C4orf54: variants seen among roughly 807,000 people sequenced by gnomAD.
C4orf54 encodes uncharacterized protein C4orf54.
Under a neutral mutation model 80.1 loss-of-function variants are expected in C4orf54, and 67 were observed. The ratio of observed to expected loss-of-function variants is 0.84; its 90% CI spans 0.69 to 1.03. The LOEUF (loss-of-function observed/expected upper bound fraction) is 1.03. Among genes scored for constraint, C4orf54 ranks in the 50% least tolerant of loss-of-function variants. C4orf54 has a pLI of 0.00. For missense variants in C4orf54, 2,434 were observed against 2,253.5 expected, an observed-to-expected ratio of 1.08 and a Z score of -1.62; for synonymous variants, 1,000 against 917.0, an observed-to-expected ratio of 1.09 and a Z score of -1.64.
chr4:99,645,157 G>A (rs766454198), intron 2 of C4orf54, among the ~76,000 whole-genome samples: 12 of 152,092 alleles, frequency 7.9e-5, no homozygotes, highest in South Asian at 6.2e-4. Flanking sequence ...ACCTCTCTGA[G>A]TGCCAATTTC....
Position 99,649,231 on chromosome 4 carries a change from C to T in C4orf54, c.*36G>A, listed in dbSNP as rs1726750377. On this transcript the variant is annotated splice_region_variant and 3_prime_UTR_variant, in exon 2 of 3. Transcript: ENST00000511828. The stretch of plus-strand genomic sequence containing the variant: ...GATTATCAAAGTGAAATTCACTTAC[C>T]AGCAGTTTTTCATTCCGCTTCCTGG... 5.5e-6 allele frequency: 8 copies of T among 1,465,528 alleles called. No individual in the cohort carries two copies. Among genetic ancestry groups the T allele is most frequent in the Non-Finnish European group, 7.2e-6 (8 of 1,112,236 alleles). The allele number at this position is 1,465,528 out of a possible 1,614,324, so 90.8% of individuals were successfully genotyped here.
At position 99,652,083 on chromosome 4, in the gene C4orf54, T is replaced by C; in HGVS notation, c.2566A>G (p.Arg856Gly). 1 of 1,536,092 alleles carries C rather than the reference T, an allele frequency of 6.5e-7. No homozygotes were observed. The highest frequency in any genetic ancestry group is 1.4e-5 in the African/African-American group (1 of 73,176). ...KETEGARGSERQRERGLQRQS... is the reference protein window; with the variant it reads ...KETEGARGSEGQRERGLQRQS... ...CTCTGCAGGCCCCTCTCTCGCTGCCTCTCGCTCCCGCGGGCGCCCTCCGTC... is the reference window on the plus strand; with the variant it reads ...CTCTGCAGGCCCCTCTCTCGCTGCCCCTCGCTCCCGCGGGCGCCCTCCGTC... The change falls in exon 2 of 3, where the codon AGG (arginine) becomes GGG (glycine). Residue 856 changes from arginine to glycine, a missense_variant. Physicochemically the swap from Arg to Gly is moderately radical, Grantham distance 125 (BLOSUM62 -2). Transcript: ENST00000511828.
chr4:99,642,105 G>A (rs796817305), intron 2 of C4orf54, among the ~76,000 whole-genome samples: 95 of 152,226 alleles, frequency 6.2e-4, no homozygotes, highest in African/African-American at 2.2e-3. Flanking sequence ...TACACTCCAT[G>A]TTTATTTTAT....
Position 99,653,472 on chromosome 4 carries a change from C to G in C4orf54, c.1177G>C (p.Asp393His). ...DFDVGLASRW[D>H]FEDNNVIYSF... ...TAGATCACGTTGTTGTCCTCGAAAT[C>G]CCAGCGGGAGGCCAGTCCCACGTCG... is the stretch of plus-strand genomic sequence containing the variant. Residue 393 changes from aspartate to histidine, a missense_variant, in exon 2 of 3, where the codon GAT (aspartate) becomes CAT (histidine). Coordinates refer to ENST00000511828, the MANE Select transcript of C4orf54 (RefSeq NM_001354435.2). 4 of 1,536,094 alleles carry G rather than the reference C, an allele frequency of 2.6e-6. No individual in the cohort carries two copies. Among genetic ancestry groups the G allele is most frequent in the Non-Finnish European group, 3.5e-6 (4 of 1,146,906 alleles).
In C4orf54 at chr4:99,651,946, A is replaced by T; in HGVS notation, c.2703T>A (p.Ser901Arg). ...AGSKSPVFKASTPRERNAGPG... is the reference protein window; with the variant it reads ...AGSKSPVFKARTPRERNAGPG... ...GGCCTGCGTTGCGCTCGCGAGGAGT[A>T]CTGGCTTTGAAGACTGGAGATTTGG... The change falls in exon 2 of 3, where the codon AGT (serine) becomes AGA (arginine). Residue 901 changes from serine (S) to arginine (R), a missense_variant. By Grantham distance (110) the Ser-to-Arg change is moderately radical (BLOSUM62 -1). Coordinates refer to ENST00000511828, the MANE Select transcript of C4orf54 (RefSeq NM_001354435.2). 4 of 1,536,112 alleles carry T rather than the reference A, an allele frequency of 2.6e-6. No individual in the cohort carries two copies. The highest frequency in any genetic ancestry group is 1.2e-5 in the South Asian group (1 of 84,062).
Position 99,654,203 on chromosome 4 carries a change from G to A in C4orf54, c.446C>T (p.Pro149Leu). ...TCTTGCTTTCGAATTCAGCTCAGGAGGGGCAGCTTCCATTATGAGCCCTTG... is the reference window on the plus strand; with the variant it reads ...TCTTGCTTTCGAATTCAGCTCAGGAAGGGCAGCTTCCATTATGAGCCCTTG... ...PGQGLIMEAA[P>L]PELNSKARQA... Residue 149 changes from proline (P) to leucine (L), a missense_variant, in exon 2 of 3, where the codon CCT becomes CTT. By Grantham distance (98) the Pro-to-Leu change is moderately conservative. Transcript: ENST00000511828. 2.0e-6 allele frequency: 3 copies of A among 1,536,172 alleles called. No homozygotes were observed. The highest frequency in any genetic ancestry group is 2.0e-5 in the Admixed American group (1 of 50,998).
chr4:99,652,624 C>T lies in C4orf54; in HGVS notation c.2025G>A (p.Arg675=). 6.5e-7 allele frequency: 1 copy of T among 1,536,082 alleles called. No individual in the cohort carries two copies. The highest frequency in any genetic ancestry group is 1.2e-5 in the South Asian group (1 of 84,062). ...TGCTCCTGAGGAGGCTCTGCTCCACCCTGGCCCCAACACCCCCACATTTTA... is the reference window on the plus strand; with the variant it reads ...TGCTCCTGAGGAGGCTCTGCTCCACTCTGGCCCCAACACCCCCACATTTTA... ...LDLKCGGVGA[R]VEQSLLRSSA... The change falls in exon 2 of 3, where the codon AGG becomes AGA. Residue 675 remains arginine (R), a synonymous_variant. Transcript: ENST00000511828.
chr4:99,643,792 A>ACACACACACACAC (rs61130907), intron 2 of C4orf54, among the ~76,000 whole-genome samples: 3 of 98,858 alleles, frequency 3.0e-5, no homozygotes, highest in South Asian at 3.5e-4. Context: ...ACACACACAC[A>ACACACACACACAC]CCCCCTCCGC....
At position 99,650,114 on chromosome 4, in the gene C4orf54, C is replaced by T. The variant is rs778635502; in HGVS notation, c.4535G>A (p.Arg1512His). The T allele has an allele frequency of 1.2e-5, 18 of 1,535,720 alleles. No homozygotes were observed. Among genetic ancestry groups the T allele is most frequent in the East Asian group, 2.4e-5 (1 of 40,874 alleles). Residue 1512 changes from arginine to histidine, a missense_variant, in exon 2 of 3, where the codon CGC becomes CAC. Arg to His is a conservative substitution (Grantham distance 29, BLOSUM62 0). Coordinates refer to ENST00000511828, the MANE Select transcript of C4orf54 (RefSeq NM_001354435.2). ...TTTGGAGCTACTGGGGACCTGACTG[C>T]GGGCACTCAGCGGGGGTAAACTACA... ...TLCSLPPLSA[R>H]SQVPSSSKGS...
Position 99,643,739 on chromosome 4 carries a change from AACACACACACACACACACACACAC to A in C4orf54, c.*37-2567_*37-2544del, listed in dbSNP as rs754039570. ...TTCCCTGCCCTTTCCCCCAAGCCAC[AACACACACACACACACACACACAC>A]ACACACACACACACACACACACACA... On this transcript the variant is annotated intron_variant, in intron 2 of 2. Transcript: ENST00000511828. 8.1e-5 allele frequency among the ~76,000 whole-genome samples: 8 copies of A among 98,934 alleles called. No individual in the cohort carries two copies. The South Asian group carries it at 2.0e-3, about 25-fold the overall frequency. The allele number at this position is 98,934 out of a possible 152,430, so 64.9% of individuals were successfully genotyped here.
rs1261224148 is a variant in C4orf54, at chr4:99,650,440, G to A, written c.4209C>T (p.Ser1403=). 4 of 1,536,122 alleles carry A rather than the reference G, an allele frequency of 2.6e-6. No homozygotes were observed. The highest frequency in any genetic ancestry group is 2.4e-5 in the South Asian group (2 of 84,062). The change falls in exon 2 of 3, where the codon AGC becomes AGT. Residue 1403 remains serine, a synonymous_variant. Transcript: ENST00000511828. The stretch of plus-strand genomic sequence containing the variant: ...CGACACCCCCAGTTTTCTGGATGCT[G>A]CTGGCACTCACTGTGAACACGTTCC... ...SNRNVFTVSA[S]SIQKTGGVAG...
In C4orf54 at chr4:99,650,643, G is replaced by T; in HGVS notation, c.4006C>A (p.Pro1336Thr). Residue 1336 changes from proline to threonine, a missense_variant, in exon 2 of 3, where the codon CCC (proline) becomes ACC (threonine). By Grantham distance (38) the Pro-to-Thr change is conservative (BLOSUM62 -1). Transcript: ENST00000511828. ...NKAGVVLRGA[P>T]IERLQRRNSN... ...TTTCTCCGCTGCAGACGTTCTATGG[G>T]GGCCCCTCGCAGGACCACACCAGCT... The T allele has an allele frequency of 6.5e-7, 1 of 1,536,046 alleles. No homozygotes were observed. Among genetic ancestry groups the T allele is most frequent in the Non-Finnish European group, 8.7e-7 (1 of 1,146,894 alleles).
At chr4:99,642,330 T>G (rs1218735267) in intron 2 of C4orf54, among the ~76,000 whole-genome samples, 1 of 152,220 alleles carries the variant, frequency 6.6e-6, no homozygotes, top group African/African-American at 2.4e-5. Flanking sequence ...CAACTCTGAC[T>G]GAGTCCTATC....
At position 99,653,917 on chromosome 4, in the gene C4orf54, C is replaced by CTG; in HGVS notation, c.730_731dup (p.Gln244HisfsTer33). 1.3e-6 allele frequency: 2 copies of CTG among 1,536,238 alleles called. No individual in the cohort carries two copies. The highest frequency in any genetic ancestry group is 1.7e-6 in the Non-Finnish European group (2 of 1,146,882). On this transcript the variant is annotated frameshift_variant, in exon 2 of 3. Coordinates refer to ENST00000511828, the MANE Select transcript of C4orf54 (RefSeq NM_001354435.2). LOFTEE classifies it high-confidence loss of function. ...AGAGTTGGGAGGAGGCAGGATTGTT[C>CTG]TGGGGGCTTGGAGTCTTGCTGCTGG...
chr4:99,644,836 T>A (rs1578268862), intron 2 of C4orf54, among the ~76,000 whole-genome samples: 2 of 114,770 alleles, frequency 1.7e-5, no homozygotes, highest in Non-Finnish European at 1.8e-5. Flanking sequence ...GAATGGAAAA[T>A]GAGAAACCGC....
chr4:99,650,043 G>C lies in C4orf54; in HGVS notation c.4606C>G (p.Pro1536Ala). Residue 1536 changes from proline to alanine, a missense_variant, in exon 2 of 3, where the codon CCT becomes GCT. Transcript: ENST00000511828. Reference protein sequence around the residue: ...GTSRPAWRTKPDNPRETVAAP... With the variant: ...GTSRPAWRTKADNPRETVAAP... ...GCTACTGTCTCCCGGGGGTTGTCAG[G>C]TTTGGTACGCCAAGCTGGTCGGCTG... The C allele has an allele frequency of 6.5e-7, 1 of 1,535,926 alleles. No individual in the cohort carries two copies. The highest frequency in any genetic ancestry group is 2.4e-5 in the East Asian group (1 of 40,886).
At chr4:99,646,964 T>G (rs1465627107) in intron 2 of C4orf54, among the ~76,000 whole-genome samples, 2 of 152,240 alleles carry the variant, frequency 1.3e-5, no homozygotes, top group East Asian at 1.9e-4. Flanking sequence ...TTTTAATTCA[T>G]TATTTCAATT....
Position 99,654,477 on chromosome 4 carries a change from G to T in C4orf54, c.172C>A (p.Gln58Lys). ...GAGGCGGTGGAGGTGGTCTGTGGCT[G>T]GGGGGCTGCTGCTCCGGCCGAGACT... The part of the protein sequence containing the change: ...ATVSAGAAAP[Q>K]PQTTSTASSR... The change falls in exon 2 of 3, where the codon CAG becomes AAG. Residue 58 changes from glutamine (Q) to lysine (K), a missense_variant. Transcript: ENST00000511828. The T allele has an allele frequency of 1.4e-6, 1 of 706,734 alleles. No homozygotes were observed. 43.8% of individuals were successfully genotyped at this position (706,734 alleles called of 1,614,324 possible). A position where few individuals can be genotyped will look rare whatever the true frequency, so the allele number is the denominator to read the frequency against.
rs1453735814 is a variant in C4orf54 at position 99,637,024 on chromosome 4, A to G, written c.*4209T>C. Reference sequence around the variant, plus strand: ...CAACCACTGCTGTCTTTAATATACAATAGTATGATTTATGTGTAAATACAG... The same window carrying G: ...CAACCACTGCTGTCTTTAATATACAGTAGTATGATTTATGTGTAAATACAG... On this transcript the variant is annotated 3_prime_UTR_variant, in exon 3 of 3. Coordinates refer to ENST00000511828, the MANE Select transcript of C4orf54 (RefSeq NM_001354435.2). The G allele has an allele frequency of 6.6e-6, 1 of 152,152 alleles. No individual in the cohort carries two copies. Among genetic ancestry groups the G allele is most frequent in the Non-Finnish European group, 1.5e-5 (1 of 68,030 alleles). 9.4% of individuals were successfully genotyped at this position (152,152 alleles called of 1,614,324 possible).
Sources: gnomAD v4.1 joint callset for allele counts (sites outside exome capture counted in the v4.1 genomes callset) on GRCh38, gnomAD v4.1.1 for gene constraint, MANE v1.5 for transcripts, NCBI Gene and HGNC (gene_info 2026-07-23, HGNC 2026-07-21) for gene names.